The following DMD variants were observed in gnomAD, a reference collection of about 807,000 sequenced individuals.
The protein encoded by DMD is mutant dystrophin.
DMD carries 63 observed loss-of-function variants against 330.1 expected under a neutral mutation model. That is an observed-to-expected ratio of 0.19 (90% CI 0.16 to 0.24). DMD has a LOEUF of 0.24. DMD is among the 10% of genes least tolerant of loss of function. DMD has a pLI of 1.00. For synonymous variants in DMD, 1,223 were observed against 959.8 expected (o/e 1.27, Z -5.07); for missense variants, 3,344 against 2,684.1 (o/e 1.25, Z -5.43).
At chrX:32,060,995 G>T (rs1025765677) in intron 44 of DMD, among the ~76,000 whole-genome samples, 3 of 111,027 alleles carry the variant, frequency 2.7e-5, no homozygotes, top group Admixed American at 1.9e-4. Context: ...ACGCACTTTG[G>T]CCTGGCACAT....
intron 43 of DMD, among the ~76,000 whole-genome samples, chrX:32,223,811 C>G (rs1461389957): frequency 9.0e-6 from 1 of 111,723 alleles, no homozygotes; most frequent in Non-Finnish European, 1.9e-5. Flanking sequence ...TTTGCATGGC[C>G]TGGACCATTA....
chrX:31,823,222 G>A (rs1254981018), intron 49 of DMD, among the ~76,000 whole-genome samples: 1 of 112,541 alleles, frequency 8.9e-6, no homozygotes, highest in East Asian at 2.8e-4. Flanking sequence ...CTTTGTTCGA[G>A]TGTTCAATGT....
intron 44 of DMD, among the ~76,000 whole-genome samples, chrX:32,130,440 C>T (rs2096686272): frequency 9.0e-6 from 1 of 111,450 alleles, no homozygotes; most frequent in Non-Finnish European, 1.9e-5. Flanking sequence ...CCATAATGCA[C>T]ACTCCATCCA....
chrX:33,009,400 A>G (rs750039690), intron 2 of DMD, among the ~76,000 whole-genome samples: 3 of 89,096 alleles, frequency 3.4e-5, no homozygotes, highest in Admixed American at 1.2e-4. Context: ...ATATGTGTGT[A>G]TATGTGTATA....
At chrX:32,582,446 C>G (rs377000008) in intron 13 of DMD, among the ~76,000 whole-genome samples, 3 of 111,104 alleles carry the variant, frequency 2.7e-5, no homozygotes, top group African/African-American at 9.8e-5. Context: ...AGTTTAAGAG[C>G]CTTTACTTTA....
In DMD at chrX:32,646,869, C is replaced by T. The variant is rs765846619; in HGVS notation, c.961-1717G>A. On this transcript the variant is annotated intron_variant, in intron 9 of 78. Transcript: ENST00000357033. The stretch of plus-strand genomic sequence containing the variant: ...GGTCATCCTGGTAAGTCAAAATCAC[C>T]GAACTTCATCATATCAAAGAGGGTA... 7.2e-5 allele frequency among the ~76,000 whole-genome samples: 8 copies of T among 110,898 alleles called. No homozygotes were observed. The South Asian group carries it at 1.9e-3, about 27-fold the overall frequency.
intron 51 of DMD, among the ~76,000 whole-genome samples, chrX:31,730,249 G>C (rs2086403218): frequency 8.9e-6 from 1 of 111,901 alleles, no homozygotes; most frequent in Non-Finnish European, 1.9e-5. Context: ...AAGTAGACGA[G>C]CTAAATCAGC....
At chrX:31,839,140 C>T (rs1019764398) in intron 48 of DMD, among the ~76,000 whole-genome samples, 2 of 111,602 alleles carry the variant, frequency 1.8e-5, no homozygotes, top group Non-Finnish European at 3.8e-5. Context: ...AAAATGATAG[C>T]AAAGACCATT....
At chrX:32,643,445 ATTTCT>A (rs753617611) in intron 11 of DMD, among the ~76,000 whole-genome samples, 2 of 110,184 alleles carry the variant, frequency 1.8e-5, no homozygotes, top group African/African-American at 6.6e-5. Flanking sequence ...TTGGCACTTC[ATTTCT>A]TTTCATTTAA....
At chrX:32,586,509 T>C (rs1457278497) in intron 13 of DMD, among the ~76,000 whole-genome samples, 1 of 109,406 alleles carries the variant, frequency 9.1e-6, no homozygotes, top group Admixed American at 9.8e-5. Flanking sequence ...GCAAATGCTA[T>C]ATCTATTCAT....
intron 1 of DMD, among the ~76,000 whole-genome samples, chrX:33,033,978 T>C (rs1376970176): frequency 8.9e-6 from 1 of 111,777 alleles, no homozygotes; most frequent in Non-Finnish European, 1.9e-5. Context: ...CAAAAGACTT[T>C]AAGTCAAATG....
intron 7 of DMD, among the ~76,000 whole-genome samples, chrX:32,774,611 C>T (rs1293846048): frequency 1.8e-5 from 2 of 111,087 alleles, no homozygotes; most frequent in Non-Finnish European, 3.8e-5. Context: ...AACAGCCAGA[C>T]ACTTAAACCA....
intron 7 of DMD, among the ~76,000 whole-genome samples, chrX:32,713,084 A>T (rs1481583297): frequency 8.9e-6 from 1 of 111,914 alleles, no homozygotes; most frequent in African/African-American, 3.2e-5. Context: ...CCATTAAATT[A>T]TTTCTCTATC....
chrX:33,100,211 T>C (rs753618150), intron 1 of DMD, among the ~76,000 whole-genome samples: 6 of 111,511 alleles, frequency 5.4e-5, no homozygotes, highest in Non-Finnish European at 1.1e-4. Context: ...TGACAGAATA[T>C]TATGGAGCAA....
intron 7 of DMD, among the ~76,000 whole-genome samples, chrX:32,764,227 A>T (rs2072686994): frequency 1.8e-5 from 2 of 111,455 alleles, no homozygotes; most frequent in Admixed American, 1.9e-4. Context: ...TATAAAACTC[A>T]ATCATCCAAC....
Position 32,816,557 on chromosome X carries a change from T to G in DMD, c.441A>C (p.Ser147=). 1 of 1,211,525 alleles carries G rather than the reference T, an allele frequency of 8.3e-7. No homozygotes were observed. Among genetic ancestry groups the G allele is most frequent in the Non-Finnish European group, 1.1e-6 (1 of 895,196 alleles). The change falls in exon 6 of 79, where the codon TCA becomes TCC. Residue 147 remains serine, a synonymous_variant. Transcript: ENST00000357033. ...EKILLSWVRQ[S]TRNYPQVNVI... is the part of the protein sequence containing the mutation. Reference sequence around the variant, plus strand: ...CATTAACCTGTGGATAATTACGAGTTGATTGTCGGACCCAGCTCAGGAGAA... The same window carrying G: ...CATTAACCTGTGGATAATTACGAGTGGATTGTCGGACCCAGCTCAGGAGAA...
intron 55 of DMD, chrX:31,508,172 C>T: frequency 9.0e-7 from 1 of 1,115,305 alleles, no homozygotes; most frequent in South Asian, 1.9e-5. Flanking sequence ...TGTATACACA[C>T]AGATCAAGAA....
At chrX:32,785,300 C>G (rs1028697381) in intron 7 of DMD, among the ~76,000 whole-genome samples, 6 of 110,503 alleles carry the variant, frequency 5.4e-5, no homozygotes, top group Non-Finnish European at 1.1e-4. Context: ...ATGTATTTGG[C>G]TTGTGTAAGT....
At chrX:32,450,526 A>G (rs1429878350) in intron 26 of DMD, among the ~76,000 whole-genome samples, 3 of 110,740 alleles carry the variant, frequency 2.7e-5, no homozygotes, top group African/African-American at 9.8e-5. Context: ...ATCATTTAAT[A>G]TGTGCTACTG....
Sources: gnomAD v4.1 joint callset for allele counts (sites outside exome capture counted in the v4.1 genomes callset) on GRCh38, gnomAD v4.1.1 for gene constraint, MANE v1.5 for transcripts, NCBI Gene and HGNC (gene_info 2026-07-23, HGNC 2026-07-21) for gene names.